The following DOP1B variants were observed in gnomAD, a reference collection of about 807,000 sequenced individuals.
DOP1B encodes the protein protein DOP1B.
Under a neutral mutation model 233.5 loss-of-function variants are expected in DOP1B, and 174 were observed. That is an observed-to-expected ratio of 0.75 (90% confidence interval 0.66 to 0.85). The LOEUF (loss-of-function observed/expected upper bound fraction) is 0.85. Ranked by LOEUF, DOP1B falls within the 40% of genes least tolerant of loss-of-function variation. DOP1B has a pLI of 0.00. For synonymous variants in DOP1B, 1,190 were observed against 1,185.6 expected (o/e 1.00, Z -0.08); for missense variants, 2,652 against 2,846.6 (o/e 0.93, Z 1.56).
At chr21:36,201,638 A>ACACAC (rs2066368731) in intron 4 of DOP1B, among the ~76,000 whole-genome samples, 1 of 151,654 alleles carries the variant, frequency 6.6e-6, no homozygotes, top group Admixed American at 6.6e-5. Context: ...GTGAGCCACC[A>ACACAC]CACACGGCTC....
In DOP1B at chr21:36,288,050, C is replaced by T; in HGVS notation, c.6197C>T (p.Ser2066Phe). 6.2e-7 allele frequency: 1 copy of T among 1,614,048 alleles called. No individual in the cohort carries two copies. The highest frequency in any genetic ancestry group is 8.5e-7 in the Non-Finnish European group (1 of 1,180,002). Reference protein sequence around the residue: ...LTDNLRVGQTSIVAAQMFLFF... With the variant: ...LTDNLRVGQTFIVAAQMFLFF... The stretch of plus-strand genomic sequence containing the variant: ...GACAATCTCAGAGTTGGACAGACAT[C>T]CATAGTTGCTGCTCAGATGTTTCTT... The change falls in exon 33 of 37, where the codon TCC becomes TTC. Residue 2066 changes from serine to phenylalanine, a missense_variant. Around this residue, in one of 3 missense-constraint regions of DOP1B, gnomAD observed 2,617 missense variants for 2,794.3 expected, o/e 0.94. Transcript: ENST00000691173.
At position 36,245,487 on chromosome 21, in the gene DOP1B, C is replaced by T; in HGVS notation, c.3507C>T (p.Ser1169=). 2 of 1,613,806 alleles carry T rather than the reference C, an allele frequency of 1.2e-6. No individual in the cohort carries two copies. The highest frequency in any genetic ancestry group is 1.7e-6 in the Non-Finnish European group (2 of 1,180,042). ...TGCTGGCGGCCTTCCAGTCAGAAAG[C>T]TTCAAGGCTGGGGCCAAGTTAAGCC... The part of the protein sequence containing the change: ...SALLAAFQSE[S]FKAGAKLSLV... The change falls in exon 19 of 37, where the codon AGC becomes AGT. Residue 1169 remains serine, a synonymous_variant. Coordinates refer to ENST00000691173, the MANE Select transcript of DOP1B (RefSeq NM_001320714.2). This position sits in a 1 kb window ranked among gnomAD's most constrained non-coding sequence, Gnocchi z 5.5.
chr21:36,271,178 CTG>C (rs1013418861), intron 27 of DOP1B, among the ~76,000 whole-genome samples: 8 of 150,688 alleles, frequency 5.3e-5, no homozygotes, highest in Non-Finnish European at 8.8e-5. Flanking sequence ...CTTCTCAAGT[CTG>C]TGTTCATTCA....
intron 5 of DOP1B, among the ~76,000 whole-genome samples, chr21:36,210,074 C>G (rs1033025586): frequency 6.6e-6 from 1 of 152,114 alleles, no homozygotes; most frequent in African/African-American, 2.4e-5. Flanking sequence ...GTCTCTTTCT[C>G]TCCATCGTCT....
intron 26 of DOP1B, among the ~76,000 whole-genome samples, chr21:36,269,543 C>T (rs560037417): frequency 2.0e-5 from 3 of 151,370 alleles, no homozygotes; most frequent in Non-Finnish European, 2.9e-5. Flanking sequence ...TTTTTTGAAA[C>T]GAAGTCTCAC....
At chr21:36,198,201 G>A (rs924072087) in intron 2 of DOP1B, among the ~76,000 whole-genome samples, 5 of 152,008 alleles carry the variant, frequency 3.3e-5, no homozygotes, top group Non-Finnish European at 7.4e-5. Context: ...AGGCCGAGGC[G>A]GGTGGATCAC....
In DOP1B at chr21:36,164,775, C is replaced by G; in HGVS notation, c.42C>G (p.Tyr14Ter). 1 of 1,611,922 alleles carries G rather than the reference C, an allele frequency of 6.2e-7. No homozygotes were observed. The change falls in exon 2 of 37, where the codon TAC becomes TAG. Residue 14 changes from tyrosine (Y) to a stop codon, truncating the protein, a stop_gained. Coordinates refer to ENST00000691173, the MANE Select transcript of DOP1B (RefSeq NM_001320714.2). LOFTEE classifies it high-confidence loss of function. Reference sequence around the variant, plus strand: ...AGGAGCTCTTAAATGATTACAGATACAGAAGCTACTCTTCAGTGATTGAAA... The same window carrying G: ...AGGAGCTCTTAAATGATTACAGATAGAGAAGCTACTCTTCAGTGATTGAAA... ...EEQELLNDYR[Y>*]RSYSSVIEKA... is the part of the protein sequence containing the mutation.
In DOP1B at chr21:36,214,478, G is replaced by A; in HGVS notation, c.1051G>A (p.Ala351Thr). Residue 351 changes from alanine (A) to threonine (T), a missense_variant, in exon 9 of 37, where the codon GCT becomes ACT. By Grantham distance (58) the Ala-to-Thr change is moderately conservative (BLOSUM62 0). Transcript: ENST00000691173. Reference protein sequence around the residue: ...AEILHQKFIDADVEERHHAYL... With the variant: ...AEILHQKFIDTDVEERHHAYL... ...GATATTGCATCAGAAGTTCATAGAT[G>A]CTGACGTGGAGGAACGCCATCATGC... 6.2e-7 allele frequency: 1 copy of A among 1,613,638 alleles called. No individual in the cohort carries two copies. Among genetic ancestry groups the A allele is most frequent in the Non-Finnish European group, 8.5e-7 (1 of 1,179,944 alleles).
Position 36,169,543 on chromosome 21 carries a change from C to T in DOP1B, c.138+4672C>T, listed in dbSNP as rs1387424031. 16 of 1,121,572 alleles carry T rather than the reference C, an allele frequency of 1.4e-5. No individual in the cohort carries two copies. The East Asian group carries it at 3.5e-4, about 25-fold the overall frequency. The allele number at this position is 1,121,572 out of a possible 1,614,324, so 69.5% of individuals were successfully genotyped here. A position where few individuals can be genotyped will look rare whatever the true frequency, so the allele number is the denominator to read the frequency against. ...CCCCGATGATGTCGATCATCTCGTC[C>T]AGCCCAAACGCTTGGTTCACAGGTA... On this transcript the variant is annotated intron_variant, in intron 2 of 36. Transcript: ENST00000691173.
At chr21:36,288,984 G>A in intron 34 of DOP1B, 61 bp from the exon 35 acceptor site, 3 of 1,581,290 alleles carry the variant, frequency 1.9e-6, no homozygotes, top group Admixed American at 3.7e-5. Context: ...CAGGTCATAG[G>A]TGAATGGACT....
At chr21:36,254,259 A>G (rs1185571194) in intron 23 of DOP1B, among the ~76,000 whole-genome samples, 2 of 152,174 alleles carry the variant, frequency 1.3e-5, no homozygotes, top group East Asian at 3.9e-4. Flanking sequence ...TCGCAGCCAT[A>G]AAGATGCCAA....
chr21:36,236,522 T>C (rs962462970), intron 15 of DOP1B, among the ~76,000 whole-genome samples: 1 of 152,144 alleles, frequency 6.6e-6, no homozygotes, highest in African/African-American at 2.4e-5. Flanking sequence ...CCACTGTAAA[T>C]TCACCAAACT....
chr21:36,290,596 G>A (rs1375668710), intron 35 of DOP1B, among the ~76,000 whole-genome samples: 1 of 152,092 alleles, frequency 6.6e-6, no homozygotes, highest in Non-Finnish European at 1.5e-5. Context: ...TTTGGGATCA[G>A]CCTGACCAAC....
At chr21:36,222,791 A>G (rs557312630) in intron 10 of DOP1B, among the ~76,000 whole-genome samples, 37 of 151,910 alleles carry the variant, frequency 2.4e-4, no homozygotes, top group Admixed American at 2.3e-3. Context: ...GCTGGAGTGC[A>G]GTGGCTCAAT....
chr21:36,274,594 G>T (rs1019741844), intron 27 of DOP1B, among the ~76,000 whole-genome samples: 1 of 152,080 alleles, frequency 6.6e-6, no homozygotes, highest in Non-Finnish European at 1.5e-5. Context: ...GTGTCCGAAG[G>T]CCCCAGGGGC....
chr21:36,278,726 G>A (rs752461121), intron 30 of DOP1B, among the ~76,000 whole-genome samples: 18 of 151,858 alleles, frequency 1.2e-4, no homozygotes, highest in Non-Finnish European at 1.9e-4. Flanking sequence ...AAAATTAGCC[G>A]GGCATGGCAG....
intron 18 of DOP1B, among the ~76,000 whole-genome samples, chr21:36,243,959 T>C (rs933833871): frequency 6.6e-5 from 10 of 150,676 alleles, no homozygotes; most frequent in Middle Eastern, 6.9e-3. Context: ...CCTACCTTGG[T>C]CTCCCACAGT....
chr21:36,268,685 C>T (rs73381536), intron 26 of DOP1B, among the ~76,000 whole-genome samples: 1,536 of 152,280 alleles, frequency 0.01, 21 homozygotes, highest in African/African-American at 0.035. Context: ...TGTTCGGGGT[C>T]GCTGACTTCC....
chr21:36,294,243 C>T lies in DOP1B; in HGVS notation c.*672C>T, dbSNP rs1488439633. ...TTTCTCTTTTCTCTAAAAGTTTAAA[C>T]TTATTAAAAGAATGTTATTTTTAAC... On this transcript the variant is annotated 3_prime_UTR_variant, in exon 37 of 37. Coordinates refer to ENST00000691173, the MANE Select transcript of DOP1B (RefSeq NM_001320714.2). 4 of 152,520 alleles carry T rather than the reference C, an allele frequency of 2.6e-5. No individual in the cohort carries two copies. Among genetic ancestry groups the T allele is most frequent in the African/African-American group, 9.7e-5 (4 of 41,434 alleles). The allele number at this position is 152,520 out of a possible 1,614,324, so 9.4% of individuals were successfully genotyped here.
Sources: allele counts gnomAD v4.1 joint callset (sites outside exome capture counted in the v4.1 genomes callset), GRCh38; gene constraint gnomAD v4.1.1; regional missense constraint gnomAD v4.1.1; non-coding constraint Gnocchi (gnomAD v3.1); transcripts MANE v1.5; gene names NCBI Gene and HGNC (gene_info 2026-07-23, HGNC 2026-07-21).